The following RNF213 variants were observed in gnomAD, a reference collection of about 807,000 sequenced individuals.
RNF213 encodes the protein E3 ubiquitin-protein ligase RNF213.
In RNF213, 341 loss-of-function variants were observed where a neutral mutation model predicts 514.4. The ratio of observed to expected loss-of-function variants is 0.66; its 90% confidence interval spans 0.61 to 0.73. RNF213 has a LOEUF of 0.73. Among genes scored for constraint, RNF213 ranks in the 30% least tolerant of loss-of-function variants. The pLI, the probability that RNF213 is intolerant of heterozygous loss-of-function variation, is 0.00. For synonymous variants in RNF213, 2,655 were observed against 2,658.2 expected (o/e 1.00, Z 0.04); for missense variants, 5,767 against 6,615.6 (o/e 0.87, Z 4.45).
At chr17:80,338,958 T>TA (rs60333843) in intron 25 of RNF213, among the ~76,000 whole-genome samples, 37,707 of 142,988 alleles carry the variant, frequency 0.26, 5,327 homozygotes, top group Non-Finnish European at 0.34. Flanking sequence ...AAAAAAAAAT[T>TA]AAAAAAAAAA....
rs1302838160 is a variant in RNF213, at chr17:80,363,555, G to T, written c.11569-54G>T. On this transcript the variant is annotated intron_variant, in intron 40 of 67. Transcript: ENST00000582970. Reference sequence around the variant, plus strand: ...ATGCAGCTAACAGCCGGGGCCTCTGGTGGGCCGGTGGGAGGGGCACCGCTC... The same window carrying T: ...ATGCAGCTAACAGCCGGGGCCTCTGTTGGGCCGGTGGGAGGGGCACCGCTC... The T allele has an allele frequency of 3.1e-6, 5 of 1,597,448 alleles. No homozygotes were observed. The East Asian group carries it at 1.1e-4, about 36-fold the overall frequency.
chr17:80,369,936 C>T, intron 46 of RNF213, 69 bp downstream of exon 46: 1 of 1,105,988 alleles, frequency 9.0e-7, no homozygotes, highest in Non-Finnish European at 1.4e-6. Context: ...CGTTTTGTTA[C>T]CAAGTCTTCT....
rs570972146 is a variant in RNF213 at position 80,376,015 on chromosome 17, A to T, written c.13185+145A>T. 29 of 768,422 alleles carry T rather than the reference A, an allele frequency of 3.8e-5. 1 individual carries two copies. In the South Asian group the frequency reaches 4.1e-4, roughly 11 times the overall value. The allele number at this position is 768,422 out of a possible 1,614,324, so 47.6% of individuals were successfully genotyped here. A position where few individuals can be genotyped will look rare whatever the true frequency, so the allele number is the denominator to read the frequency against. On this transcript the variant is annotated intron_variant, in intron 51 of 67. Transcript: ENST00000582970. ...TCAACCTTGTTATGTGGAGGAACAC[A>T]TAACCAAGCTGTTTAACCCAAAGCT...
Position 80,353,306 on chromosome 17 carries a change from C to T in RNF213, c.10424-206C>T. 3 of 777,368 alleles carry T rather than the reference C, an allele frequency of 3.9e-6. No individual in the cohort carries two copies. The South Asian group carries it at 4.9e-5, about 13-fold the overall frequency. 48.2% of individuals were successfully genotyped at this position (777,368 alleles called of 1,614,324 possible). ...CAGCCATGGAAGTGAGCACCTAGAA[C>T]ACGCCAGAGCCCAGGCTGGAAGGAA... On this transcript the variant is annotated intron_variant, in intron 33 of 67. Coordinates refer to ENST00000582970, the MANE Select transcript of RNF213 (RefSeq NM_001256071.3). The surrounding 1 kb of genome is among the most constrained non-coding windows in gnomAD (Gnocchi z 5.0).
intron 20 of RNF213, among the ~76,000 whole-genome samples, chr17:80,331,645 T>C (rs1375635278): frequency 1.3e-5 from 2 of 152,180 alleles, no homozygotes; most frequent in African/African-American, 2.4e-5. Flanking sequence ...CATCTCAGCG[T>C]CCCAACGTGC....
At position 80,347,137 on chromosome 17, in the gene RNF213, C is replaced by T. The variant is rs1224361377; in HGVS notation, c.8802C>T (p.Ser2934=). 6.2e-7 allele frequency: 1 copy of T among 1,613,934 alleles called. No individual in the cohort carries two copies. Among genetic ancestry groups the T allele is most frequent in the African/African-American group, 1.3e-5 (1 of 74,918 alleles). Residue 2934 remains serine (S), a synonymous_variant, in exon 29 of 68, where the codon TCC becomes TCT. Coordinates refer to ENST00000582970, the MANE Select transcript of RNF213 (RefSeq NM_001256071.3). The surrounding 1 kb of genome is among the most constrained non-coding windows in gnomAD (Gnocchi z 7.2). Reference sequence around the variant, plus strand: ...ACCGAGTCCAAGGGTACTTTGCGTCCTTTGCCAAAGCCTACGAAACGGTGT... The same window carrying T: ...ACCGAGTCCAAGGGTACTTTGCGTCTTTTGCCAAAGCCTACGAAACGGTGT... ...VQDRVQGYFA[S]FAKAYETVCK...
At chr17:80,352,786 G>A (rs780243319) in intron 32 of RNF213, 154 bp from the exon 33 acceptor site, 5 of 1,149,110 alleles carry the variant, frequency 4.4e-6, no homozygotes, top group Middle Eastern at 1.9e-4. Flanking sequence ...GGTGGTTTCT[G>A]CGCAGGCCCA....
intron 50 of RNF213, 56 bp downstream of exon 50, chr17:80,374,645 A>G (rs779766441): frequency 6.9e-6 from 11 of 1,598,842 alleles, no homozygotes; most frequent in Admixed American, 1.7e-5. Context: ...TGGAGCCTGC[A>G]TGTTCCCTGG....
intron 44 of RNF213, 80 bp downstream of exon 44, chr17:80,368,223 C>T (rs1342531266): frequency 1.4e-6 from 2 of 1,454,336 alleles, no homozygotes; most frequent in Non-Finnish European, 1.9e-6. Context: ...GAAATATAAA[C>T]TCTATTAACC....
At position 80,380,803 on chromosome 17, in the gene RNF213, CTGTCTT is replaced by C. The variant is rs767307402; in HGVS notation, c.13641-27_13641-22del. The C allele has an allele frequency of 2.5e-6, 4 of 1,614,194 alleles. No homozygotes were observed. The South Asian group carries it at 4.4e-5, about 18-fold the overall frequency. ...GTGCCAAAGCGGCCAGCCTCAGCCT[CTGTCTT>C]GTGTTCTCTCGTTCTTTCCAGAGAC... On this transcript the variant is annotated intron_variant, in intron 55 of 67. Transcript: ENST00000582970.
chr17:80,326,090 C>CT (rs1332411023), intron 18 of RNF213, among the ~76,000 whole-genome samples: 1 of 152,124 alleles, frequency 6.6e-6, no homozygotes, highest in Non-Finnish European at 1.5e-5. Context: ...TCCCAAGTAG[C>CT]TGGGATTACA....
chr17:80,353,989 A>G lies in RNF213; in HGVS notation c.10579-30A>G, dbSNP rs1296641349. 6.2e-7 allele frequency: 1 copy of G among 1,613,260 alleles called. No homozygotes were observed. Among genetic ancestry groups the G allele is most frequent in the Non-Finnish European group, 8.5e-7 (1 of 1,179,958 alleles). On this transcript the variant is annotated intron_variant, in intron 34 of 67. Coordinates refer to ENST00000582970, the MANE Select transcript of RNF213 (RefSeq NM_001256071.3). This position sits in a 1 kb window ranked among gnomAD's most constrained non-coding sequence, Gnocchi z 5.0. ...TTTTGCCCACTGTGTCAGTGGCAGA[A>G]ACGGATGACCCAACCGTCTCCACCA... is the stretch of plus-strand genomic sequence containing the variant.
intron 58 of RNF213, 42 bp downstream of exon 58, chr17:80,383,112 G>A (rs376349527): frequency 9.3e-6 from 13 of 1,393,290 alleles, no homozygotes; most frequent in Non-Finnish European, 1.3e-5. Flanking sequence ...CCTCGGTCCA[G>A]AAAGGAAGGG....
chr17:80,263,239 TG>T lies in RNF213; in HGVS notation c.-108-331del, dbSNP rs919785242. Among the ~76,000 whole-genome samples, 19 of 152,096 alleles carry T rather than the reference TG, an allele frequency of 1.2e-4. No homozygotes were observed. Among genetic ancestry groups the T allele is most frequent in the African/African-American group, 4.6e-4 (19 of 41,418 alleles). On this transcript the variant is annotated intron_variant, in intron 1 of 67. Transcript: ENST00000582970. The surrounding 1 kb of genome is among the most constrained non-coding windows in gnomAD (Gnocchi z 4.9). ...CTGCCTGCTCAGGCCCCATCACCTGTGGGGCAGGTGCTTTAGTCCCCTTAAG... is the reference window on the plus strand; with the variant it reads ...CTGCCTGCTCAGGCCCCATCACCTGTGGGCAGGTGCTTTAGTCCCCTTAAG...
At position 80,327,961 on chromosome 17, in the gene RNF213, G is replaced by T; in HGVS notation, c.3339G>T (p.Lys1113Asn). 1 of 1,537,260 alleles carries T rather than the reference G, an allele frequency of 6.5e-7. No homozygotes were observed. Among genetic ancestry groups the T allele is most frequent in the Non-Finnish European group, 8.7e-7 (1 of 1,146,916 alleles). The change falls in exon 19 of 68, where the codon AAG becomes AAT. Residue 1113 changes from lysine to asparagine, a missense_variant. This residue lies in a region of RNF213 where 516 missense variants were observed against 566.5 expected (regional missense o/e 0.91). Coordinates refer to ENST00000582970, the MANE Select transcript of RNF213 (RefSeq NM_001256071.3). ...VGQLELIIKH[K>N]NQFLDIWQLR... Reference sequence around the variant, plus strand: ...AACTGGAGCTGATTATAAAGCACAAGAATCAGTTTCTTGACATCTGGCAAC... The same window carrying T: ...AACTGGAGCTGATTATAAAGCACAATAATCAGTTTCTTGACATCTGGCAAC...
intron 49 of RNF213, among the ~76,000 whole-genome samples, chr17:80,374,004 CAAAAAA>C (rs397968636): frequency 0.011 from 1,102 of 96,206 alleles, 11 homozygotes; most frequent in African/African-American, 0.041. Flanking sequence ...GACTCCGTCT[CAAAAAA>C]AAAAAAAAAA....
chr17:80,351,901 C>T (rs889234565), intron 32 of RNF213, 98 bp downstream of exon 32: 1 of 721,356 alleles, frequency 1.4e-6, no homozygotes, highest in African/African-American at 1.8e-5. Flanking sequence ...TGTCACCAGG[C>T]TGGAGTGCAG....
At chr17:80,307,307 G>T in intron 13 of RNF213, 106 bp downstream of exon 13, 1 of 846,718 alleles carries the variant, frequency 1.2e-6, no homozygotes. Context: ...TAACAGCAAG[G>T]TCATAAATTA....
Position 80,349,757 on chromosome 17 carries a change from C to T in RNF213, c.9952-13C>T, listed in dbSNP as rs1335713569. 1 of 1,614,106 alleles carries T rather than the reference C, an allele frequency of 6.2e-7. No individual in the cohort carries two copies. The highest frequency in any genetic ancestry group is 1.1e-5 in the South Asian group (1 of 91,078). Reference sequence around the variant, plus strand: ...GAAGTCTGGCAAGTAATTTGCATTTCTTAACTCTGTAGATCACCACTTTCT... The same window carrying T: ...GAAGTCTGGCAAGTAATTTGCATTTTTTAACTCTGTAGATCACCACTTTCT... On this transcript the variant is annotated splice_polypyrimidine_tract_variant and intron_variant, in intron 29 of 67. Transcript: ENST00000582970.
Sources: gnomAD v4.1 joint callset for allele counts (sites outside exome capture counted in the v4.1 genomes callset) on GRCh38, gnomAD v4.1.1 for gene constraint, gnomAD v4.1.1 regional missense constraint, Gnocchi (gnomAD v3.1) non-coding constraint, MANE v1.5 for transcripts, NCBI Gene and HGNC (gene_info 2026-07-23, HGNC 2026-07-21) for gene names.